The following ARHGAP24 variants were observed in gnomAD, a reference collection of about 807,000 sequenced individuals.
ARHGAP24 encodes the protein Rho GTPase activating protein 24.
In ARHGAP24, 50 loss-of-function variants were observed where a neutral mutation model predicts 76.4. The observed-to-expected ratio is 0.65, with a 90% confidence interval of 0.52 to 0.83. ARHGAP24 has a LOEUF of 0.83. Among genes scored for constraint, ARHGAP24 ranks in the 40% least tolerant of loss-of-function variants. The pLI, the probability that ARHGAP24 is intolerant of heterozygous loss-of-function variation, is 0.00. For missense variants in ARHGAP24, 930 were observed against 914.2 expected (o/e 1.02, Z -0.22); for synonymous variants, 345 against 323.3 (o/e 1.07, Z -0.72).
chr4:85,977,875 T>C (rs1241731448), intron 8 of ARHGAP24, among the ~76,000 whole-genome samples, 184 bp downstream of exon 8: 1 of 152,218 alleles, frequency 6.6e-6, no homozygotes, highest in Non-Finnish European at 1.5e-5. Context: ...TTTGTTTGTG[T>C]TTACTAAACA....
Position 85,755,646 on chromosome 4 carries a change from G to GTTTTTTT in ARHGAP24, c.268+33678_268+33679insTTTTTTT, listed in dbSNP as rs199784047. On this transcript the variant is annotated intron_variant, in intron 3 of 9. Coordinates refer to ENST00000395184, the MANE Select transcript of ARHGAP24 (RefSeq NM_001025616.3). ...CTTTTGTTTTGTTTTGTTTTGTTTT[G>GTTTTTTT]TTTTGAGACGGAGTCTCGTTCTGTT... Among the ~76,000 whole-genome samples the GTTTTTTT allele has an allele frequency of 1.2e-4, 15 of 121,096 alleles. 2 individuals carry two copies. The highest frequency in any genetic ancestry group is 2.1e-4 in the Non-Finnish European group (12 of 58,374). The allele number at this position is 121,096 out of a possible 152,430, so 79.4% of individuals were successfully genotyped here. A position where few individuals can be genotyped will look rare whatever the true frequency, so the allele number is the denominator to read the frequency against.
chr4:85,729,507 A>T (rs1430322837), intron 3 of ARHGAP24, among the ~76,000 whole-genome samples: 1 of 152,212 alleles, frequency 6.6e-6, no homozygotes, highest in African/African-American at 2.4e-5. Context: ...TTACGAACTG[A>T]TGGACAGCAT....
chr4:85,972,178 T>G lies in ARHGAP24; in HGVS notation c.732+10T>G, dbSNP rs757079767. The G allele has an allele frequency of 2.8e-5, 45 of 1,613,130 alleles. No individual in the cohort carries two copies. Among genetic ancestry groups the G allele is most frequent in the African/African-American group, 1.3e-5 (1 of 74,912 alleles). On this transcript the variant is annotated intron_variant, in intron 6 of 9. Transcript: ENST00000395184. Reference sequence around the variant, plus strand: ...CAAGGAAGAGGAAGCAGTAAGTTGATGCATTTATTTCCAAATAAGCTTTTG... The same window carrying G: ...CAAGGAAGAGGAAGCAGTAAGTTGAGGCATTTATTTCCAAATAAGCTTTTG...
chr4:85,822,891 A>G (rs530750743), intron 3 of ARHGAP24, among the ~76,000 whole-genome samples: 82 of 152,318 alleles, frequency 5.4e-4, no homozygotes, highest in African/African-American at 1.8e-3. Flanking sequence ...ATTTCCTTAT[A>G]TTATAGGACA....
rs182130029 is a variant in ARHGAP24 at position 85,875,000 on chromosome 4, A to T, written c.269-48648A>T. 1.2e-3 allele frequency among the ~76,000 whole-genome samples: 56 copies of T among 46,832 alleles called. 1 individual carries two copies. Among genetic ancestry groups the T allele is most frequent in the East Asian group, 4.8e-3 (4 of 838 alleles). 30.7% of individuals were successfully genotyped at this position (46,832 alleles called of 152,430 possible). A position where few individuals can be genotyped will look rare whatever the true frequency, so the allele number is the denominator to read the frequency against. On this transcript the variant is annotated intron_variant, in intron 3 of 9. Coordinates refer to ENST00000395184, the MANE Select transcript of ARHGAP24 (RefSeq NM_001025616.3). ...TTATATAATTTATATATAAATATATATTTATATATAAGTTATATAAAATAT... is the reference window on the plus strand; with the variant it reads ...TTATATAATTTATATATAAATATATTTTTATATATAAGTTATATAAAATAT...
rs112684537 is a variant in ARHGAP24 at position 85,536,734 on chromosome 4, G to A, written c.-20-33788G>A. Among the ~76,000 whole-genome samples, 1,479 of 152,088 alleles carry A rather than the reference G, an allele frequency of 9.7e-3. 13 individuals carry two copies. The highest frequency in any genetic ancestry group is 0.019 in the East Asian group (97 of 5,184). On this transcript the variant is annotated intron_variant, in intron 1 of 9. Transcript: ENST00000395184. Reference sequence around the variant, plus strand: ...TTGTGAACTTAATTATACATCTTTCGGGGAGATAGAGAAAAGTGAGGAAGA... The same window carrying A: ...TTGTGAACTTAATTATACATCTTTCAGGGAGATAGAGAAAAGTGAGGAAGA...
intron 1 of ARHGAP24, among the ~76,000 whole-genome samples, chr4:85,569,264 A>G (rs933679805): frequency 6.6e-6 from 1 of 152,248 alleles, no homozygotes; most frequent in Non-Finnish European, 1.5e-5. Flanking sequence ...ATATGCCTGG[A>G]CAGGAATAAT....
At chr4:85,753,722 G>A (rs115925391) in intron 3 of ARHGAP24, among the ~76,000 whole-genome samples, 2,077 of 152,156 alleles carry the variant, frequency 0.014, 39 homozygotes, top group African/African-American at 0.047. Context: ...TATAGCAATA[G>A]TTTTTTCTAG....
Position 85,995,146 on chromosome 4 carries a change from G to T in ARHGAP24, c.1492G>T (p.Val498Phe). The change falls in exon 9 of 10, where the codon GTT (valine) becomes TTT (phenylalanine). Residue 498 changes from valine (V) to phenylalanine (F), a missense_variant. By Grantham distance (50) the Val-to-Phe change is conservative. Transcript: ENST00000395184. The part of the protein sequence containing the change: ...NSDTLGNPTN[V>F]RNMSWLPNGY... ...CGACACACTCGGGAACCCCACAAATGTTCGAAACATGAGCTGGCTGCCAAA... is the reference window on the plus strand; with the variant it reads ...CGACACACTCGGGAACCCCACAAATTTTCGAAACATGAGCTGGCTGCCAAA... 1 of 1,614,066 alleles carries T rather than the reference G, an allele frequency of 6.2e-7. No individual in the cohort carries two copies. The highest frequency in any genetic ancestry group is 8.5e-7 in the Non-Finnish European group (1 of 1,180,040).
At position 85,494,942 on chromosome 4, in the gene ARHGAP24, CAAG is replaced by C. The variant is rs372162812; in HGVS notation, c.-21+19386_-21+19388del. Among the ~76,000 whole-genome samples, 42 of 151,520 alleles carry C rather than the reference CAAG, an allele frequency of 2.8e-4. No homozygotes were observed. The East Asian group carries it at 8.1e-3, about 29-fold the overall frequency. ...TGAAACTCCGTCTCTAATAAAAATACAAGAAATTAGCTGGGCGGGGTGGCGGGC... is the reference window on the plus strand; with the variant it reads ...TGAAACTCCGTCTCTAATAAAAATACAAATTAGCTGGGCGGGGTGGCGGGC... On this transcript the variant is annotated intron_variant, in intron 1 of 9. Transcript: ENST00000395184.
At chr4:85,909,918 G>A (rs374745365) in intron 3 of ARHGAP24, among the ~76,000 whole-genome samples, 3 of 152,172 alleles carry the variant, frequency 2.0e-5, no homozygotes, top group Admixed American at 1.3e-4. Flanking sequence ...GCTCAGGCCC[G>A]CTGGGCTTTT....
chr4:85,710,821 C>T (rs528325856), intron 2 of ARHGAP24, among the ~76,000 whole-genome samples: 3 of 151,904 alleles, frequency 2.0e-5, no homozygotes, highest in East Asian at 1.9e-4. Context: ...CAGGTGCTGA[C>T]GAGGTTGCTG....
chr4:85,976,100 G>T (rs1295840638), intron 7 of ARHGAP24, among the ~76,000 whole-genome samples: 5 of 152,110 alleles, frequency 3.3e-5, no homozygotes, highest in Non-Finnish European at 7.4e-5. Flanking sequence ...TAAGTAAAAG[G>T]GATGAAAAAG....
At chr4:85,770,434 C>A (rs1727091383) in intron 3 of ARHGAP24, among the ~76,000 whole-genome samples, 1 of 152,106 alleles carries the variant, frequency 6.6e-6, no homozygotes, top group Non-Finnish European at 1.5e-5. Context: ...TCCCTACTTC[C>A]TAGGTTTGTT....
intron 3 of ARHGAP24, among the ~76,000 whole-genome samples, chr4:85,824,202 G>A (rs1243941799): frequency 6.6e-6 from 1 of 152,016 alleles, no homozygotes; most frequent in Non-Finnish European, 1.5e-5. Flanking sequence ...TTCACATTTT[G>A]GATTACTTTC....
At chr4:85,730,108 T>C (rs1326249193) in intron 3 of ARHGAP24, among the ~76,000 whole-genome samples, 2 of 152,206 alleles carry the variant, frequency 1.3e-5, no homozygotes, top group Non-Finnish European at 2.9e-5. Flanking sequence ...ATATCTATGC[T>C]TTAAATCACA....
At chr4:85,510,114 G>A (rs1724216077) in intron 1 of ARHGAP24, among the ~76,000 whole-genome samples, 2 of 152,166 alleles carry the variant, frequency 1.3e-5, no homozygotes, top group South Asian at 2.1e-4. Flanking sequence ...CTCTTAAAAG[G>A]GACTCTTCAA....
At chr4:85,887,706 A>C (rs1352531265) in intron 3 of ARHGAP24, among the ~76,000 whole-genome samples, 1 of 152,184 alleles carries the variant, frequency 6.6e-6, no homozygotes, top group Non-Finnish European at 1.5e-5. Context: ...CTGTTATTTC[A>C]AGTTCCCAAA....
chr4:85,838,286 A>G (rs1301689613), intron 3 of ARHGAP24, among the ~76,000 whole-genome samples: 1 of 152,188 alleles, frequency 6.6e-6, no homozygotes, highest in Non-Finnish European at 1.5e-5. Flanking sequence ...ACATGTAATC[A>G]TTCTGAATAT....
Sources: gnomAD v4.1 joint callset for allele counts (sites outside exome capture counted in the v4.1 genomes callset) on GRCh38, gnomAD v4.1.1 for gene constraint, MANE v1.5 for transcripts, NCBI Gene and HGNC (gene_info 2026-07-23, HGNC 2026-07-21) for gene names.